Variants in AP2B1 observed in about 807,000 individuals in gnomAD.
AP2B1 encodes the protein AP-2 complex subunit beta.
A neutral mutation model predicts 102.0 loss-of-function variants in AP2B1; 23 were observed. That is an observed-to-expected ratio of 0.23 (90% confidence interval 0.16 to 0.32). The LOEUF (loss-of-function observed/expected upper bound fraction) is 0.32, where lower values mean the gene tolerates loss of function less well. Among genes scored for constraint, AP2B1 ranks in the 10% least tolerant of loss-of-function variants. The pLI, the probability that AP2B1 is intolerant of heterozygous loss-of-function variation, is 1.00. For synonymous variants in AP2B1, 381 were observed against 421.2 expected, an observed-to-expected ratio of 0.90 and a Z score of 1.17; for missense variants, 541 against 1,157.4, an observed-to-expected ratio of 0.47 and a Z score of 7.73.
At chr17:35,664,230 A>G (rs1381701942) in intron 14 of AP2B1, among the ~76,000 whole-genome samples, 8 of 152,124 alleles carry the variant, frequency 5.3e-5, no homozygotes, top group Non-Finnish European at 1.2e-4. Context: ...CCCTAGAATG[A>G]GTTTTGACCC....
chr17:35,626,586 A>G (rs767937189), intron 6 of AP2B1, 35 bp from the exon 7 acceptor site: 13 of 1,482,000 alleles, frequency 8.8e-6, no homozygotes, highest in Non-Finnish European at 1.2e-5. Flanking sequence ...AATAAATTAT[A>G]ATTCATGATA....
intron 18 of AP2B1, among the ~76,000 whole-genome samples, chr17:35,696,863 C>G (rs966320860): frequency 6.6e-6 from 1 of 152,154 alleles, no homozygotes; most frequent in Non-Finnish European, 1.5e-5. Context: ...CAGTTTTTGT[C>G]TATGTTTTTC....
At chr17:35,699,717 G>T (rs762699129) in intron 18 of AP2B1, among the ~76,000 whole-genome samples, 5 of 152,128 alleles carry the variant, frequency 3.3e-5, no homozygotes, top group Non-Finnish European at 7.4e-5. Flanking sequence ...TTTTGTCAGG[G>T]TCTCTGAGAA....
chr17:35,610,255 C>T (rs777255251), intron 5 of AP2B1, among the ~76,000 whole-genome samples: 23 of 149,738 alleles, frequency 1.5e-4, no homozygotes, highest in Admixed American at 6.7e-5. Flanking sequence ...AGCGATTCTC[C>T]TCCTGCCTCA....
intron 5 of AP2B1, among the ~76,000 whole-genome samples, 161 bp from the exon 6 acceptor site, chr17:35,624,236 T>C (rs1220615468): frequency 6.6e-6 from 1 of 152,202 alleles, no homozygotes; most frequent in Non-Finnish European, 1.5e-5. Flanking sequence ...TGGTTTAATA[T>C]ATGTTTTGAA....
At chr17:35,590,162 G>C (rs1463406389) in intron 1 of AP2B1, among the ~76,000 whole-genome samples, 1 of 152,084 alleles carries the variant, frequency 6.6e-6, no homozygotes, top group Non-Finnish European at 1.5e-5. Flanking sequence ...CTGACCTTGT[G>C]ATCCGCCCGC....
At chr17:35,589,223 A>G (rs558048378) in intron 1 of AP2B1, among the ~76,000 whole-genome samples, 92 of 152,296 alleles carry the variant, frequency 6.0e-4, no homozygotes, top group Middle Eastern at 3.4e-3. Context: ...TCTTTGCATT[A>G]TTACTGAATA....
At chr17:35,618,402 C>A (rs1232836964) in intron 5 of AP2B1, among the ~76,000 whole-genome samples, 2 of 152,204 alleles carry the variant, frequency 1.3e-5, no homozygotes, top group Non-Finnish European at 2.9e-5. Context: ...TTATTCAAGT[C>A]TTCAGGGATA....
intron 15 of AP2B1, among the ~76,000 whole-genome samples, chr17:35,671,302 AG>A (rs1484888824): frequency 2.0e-5 from 3 of 152,190 alleles, no homozygotes; most frequent in Non-Finnish European, 4.4e-5. Flanking sequence ...CATCTCCCTG[AG>A]GAGAGCTTCC....
At chr17:35,633,969 A>C (rs1188216100) in intron 9 of AP2B1, among the ~76,000 whole-genome samples, 1 of 152,174 alleles carries the variant, frequency 6.6e-6, no homozygotes, top group Non-Finnish European at 1.5e-5. Context: ...CAACACGGTG[A>C]AACCCCGTCT....
At chr17:35,722,363 T>A (rs903349557) in intron 21 of AP2B1, among the ~76,000 whole-genome samples, 1 of 152,048 alleles carries the variant, frequency 6.6e-6, no homozygotes, top group Non-Finnish European at 1.5e-5. Context: ...TTAAGTTAGT[T>A]GTTTTGGTTT....
chr17:35,666,385 C>T (rs1449241043), intron 14 of AP2B1, among the ~76,000 whole-genome samples: 8 of 152,136 alleles, frequency 5.3e-5, no homozygotes, highest in Non-Finnish European at 8.8e-5. Flanking sequence ...TTCTCAGTGC[C>T]ATTTAATGAC....
At chr17:35,655,908 T>C (rs868386975) in intron 13 of AP2B1, among the ~76,000 whole-genome samples, 5 of 152,254 alleles carry the variant, frequency 3.3e-5, no homozygotes, top group African/African-American at 9.6e-5. Context: ...CACATTTTCA[T>C]GTTACTGTAT....
At chr17:35,591,412 A>G (rs1361144036) in intron 1 of AP2B1, among the ~76,000 whole-genome samples, 3 of 152,122 alleles carry the variant, frequency 2.0e-5, no homozygotes, top group African/African-American at 7.2e-5. Flanking sequence ...AGCTCAAGCC[A>G]TCCGCACGCC....
chr17:35,669,558 T>A (rs2142945801), intron 14 of AP2B1, among the ~76,000 whole-genome samples: 1 of 152,364 alleles, frequency 6.6e-6, no homozygotes, highest in South Asian at 2.1e-4. Flanking sequence ...GCTTATAGTT[T>A]ACAACAGAGC....
chr17:35,715,770 C>A (rs1046393953), intron 20 of AP2B1, among the ~76,000 whole-genome samples: 9 of 152,158 alleles, frequency 5.9e-5, no homozygotes, highest in Non-Finnish European at 1.3e-4. Flanking sequence ...TTTGACTCCT[C>A]AAATAGAGCC....
chr17:35,614,088 G>A lies in AP2B1; in HGVS notation c.525+5701G>A, dbSNP rs1481758411. Among the ~76,000 whole-genome samples, 18 of 152,098 alleles carry A rather than the reference G, an allele frequency of 1.2e-4. No individual in the cohort carries two copies. In the East Asian group the frequency reaches 2.3e-3, roughly 20 times the overall value. On this transcript the variant is annotated intron_variant, in intron 5 of 21. Transcript: ENST00000610402. ...TTTTTTGCTCTCAGAGGCATTTAGGGGTATTCAAACCTCAGTTAACTTACG... is the reference window on the plus strand; with the variant it reads ...TTTTTTGCTCTCAGAGGCATTTAGGAGTATTCAAACCTCAGTTAACTTACG...
chr17:35,670,760 C>A, intron 14 of AP2B1, 97 bp from the exon 15 acceptor site: 3 of 1,286,520 alleles, frequency 2.3e-6, no homozygotes, highest in South Asian at 1.2e-5. Flanking sequence ...GTATTTCCAG[C>A]AACTTGGTAG....
intron 11 of AP2B1, among the ~76,000 whole-genome samples, chr17:35,640,326 T>A (rs897382550): frequency 6.6e-6 from 1 of 150,786 alleles, no homozygotes; most frequent in Non-Finnish European, 1.5e-5. Context: ...AACCTCTGCC[T>A]CCTAGGTTCA....
Sources: gnomAD v4.1 joint callset for allele counts (sites outside exome capture counted in the v4.1 genomes callset) on GRCh38, gnomAD v4.1.1 for gene constraint, MANE v1.5 for transcripts, NCBI Gene and HGNC (gene_info 2026-07-23, HGNC 2026-07-21) for gene names.